GABRB1: variants seen among roughly 807,000 people sequenced by gnomAD.
GABRB1 encodes the protein gamma-aminobutyric acid type A receptor subunit beta1, also known as gamma-aminobutyric acid receptor subunit beta-1.
Under a neutral mutation model 51.6 loss-of-function variants are expected in GABRB1, and 17 were observed. The observed-to-expected ratio is 0.33, with a 90% CI of 0.23 to 0.49. The LOEUF (loss-of-function observed/expected upper bound fraction) is 0.49. Ranked by LOEUF, GABRB1 falls within the 20% of genes least tolerant of loss-of-function variation. The pLI is 0.99. For missense variants in GABRB1, 410 were observed against 600.6 expected, an observed-to-expected ratio of 0.68 and a Z score of 3.32; for synonymous variants, 247 against 218.9, an observed-to-expected ratio of 1.13 and a Z score of -1.14.
chr4:47,013,935 A>G (rs949552783), intron 1 of GABRB1, among the ~76,000 whole-genome samples: 7 of 152,168 alleles, frequency 4.6e-5, no homozygotes, highest in Non-Finnish European at 1.0e-4. Context: ...TCTTTTCACT[A>G]TGGTTTGTGT....
chr4:47,162,170 G>T (rs893253871), intron 4 of GABRB1, among the ~76,000 whole-genome samples: 1 of 152,038 alleles, frequency 6.6e-6, no homozygotes, highest in African/African-American at 2.4e-5. Flanking sequence ...TAAACTAACA[G>T]TTCCCTTGAG....
chr4:47,273,001 C>G (rs887989787), intron 4 of GABRB1, among the ~76,000 whole-genome samples: 1 of 151,128 alleles, frequency 6.6e-6, no homozygotes, highest in African/African-American at 2.4e-5. Context: ...CTGTAGTGAA[C>G]TCTCGTTTAT....
intron 3 of GABRB1, among the ~76,000 whole-genome samples, chr4:47,093,822 C>T (rs1219220250): frequency 1.3e-5 from 2 of 152,094 alleles, no homozygotes; most frequent in Non-Finnish European, 2.9e-5. Context: ...AGTTGAGTAA[C>T]ATGTAAAGGC....
chr4:47,019,633 T>TTCTCTCTCTCTCTCTC (rs1432340967), intron 1 of GABRB1, among the ~76,000 whole-genome samples: 45 of 43,654 alleles, frequency 1.0e-3, no homozygotes, highest in African/African-American at 4.8e-3. Flanking sequence ...CTCTCTTTCT[T>TTCTCTCTCTCTCTCTC]TCTTTCTTTC....
chr4:47,301,388 A>G (rs1578077574), intron 4 of GABRB1, among the ~76,000 whole-genome samples: 1 of 152,126 alleles, frequency 6.6e-6, no homozygotes, highest in Non-Finnish European at 1.5e-5. Context: ...TGTAATTCCA[A>G]CACTTTGGTA....
intron 3 of GABRB1, among the ~76,000 whole-genome samples, chr4:47,078,822 T>A (rs545903875): frequency 6.6e-6 from 1 of 152,200 alleles, no homozygotes; most frequent in Non-Finnish European, 1.5e-5. Flanking sequence ...ATTTTTTTTA[T>A]CCTCCAATTC....
chr4:47,071,221 T>C (rs962053253), intron 3 of GABRB1, among the ~76,000 whole-genome samples: 4 of 152,210 alleles, frequency 2.6e-5, no homozygotes, highest in African/African-American at 9.6e-5. Flanking sequence ...ATTGTCTAAA[T>C]TCTGAATGAT....
intron 5 of GABRB1, among the ~76,000 whole-genome samples, chr4:47,357,669 T>C (rs2110006251): frequency 6.6e-6 from 1 of 152,316 alleles, no homozygotes; most frequent in East Asian, 1.9e-4. Context: ...GGGGTCCTCC[T>C]CTGGTACCCA....
intron 4 of GABRB1, among the ~76,000 whole-genome samples, chr4:47,172,982 C>T (rs1718508644): frequency 6.6e-6 from 1 of 152,034 alleles, no homozygotes; most frequent in Non-Finnish European, 1.5e-5. Flanking sequence ...TAGAGCCCAC[C>T]TGTAACAAAA....
intron 3 of GABRB1, chr4:47,033,098 T>C (rs536256161): frequency 9.6e-5 from 19 of 197,734 alleles, no homozygotes; most frequent in Non-Finnish European, 1.9e-4. Context: ...CGGGAGGTTA[T>C]GAATTTGTCT....
chr4:47,252,107 A>ACCCCCCC (rs1722014234), intron 4 of GABRB1, among the ~76,000 whole-genome samples: 1 of 51,722 alleles, frequency 1.9e-5, no homozygotes. Flanking sequence ...CCCCCCTCCT[A>ACCCCCCC]CTCCTCTGGA....
intron 5 of GABRB1, among the ~76,000 whole-genome samples, chr4:47,329,671 A>T (rs1725396384): frequency 6.7e-6 from 1 of 148,474 alleles, no homozygotes; most frequent in Non-Finnish European, 1.5e-5. Flanking sequence ...GATATATATA[A>T]AATATATATG....
Position 47,019,970 on chromosome 4 carries a change from G to A in GABRB1, c.-19-11944G>A, listed in dbSNP as rs566778979. On this transcript the variant is annotated intron_variant, in intron 1 of 3. Coordinates refer to the GABRB1 transcript ENST00000513567. ...TATGTATATGTATATATATTTTGTAGAGACAGGGTTTCACCATGTTGCCTA... is the reference window on the plus strand; with the variant it reads ...TATGTATATGTATATATATTTTGTAAAGACAGGGTTTCACCATGTTGCCTA... Among the ~76,000 whole-genome samples, 4 of 142,814 alleles carry A rather than the reference G, an allele frequency of 2.8e-5. No homozygotes were observed. In the East Asian group the frequency reaches 8.2e-4, roughly 29 times the overall value. 93.7% of individuals were successfully genotyped at this position (142,814 alleles called of 152,430 possible). A position where few individuals can be genotyped will look rare whatever the true frequency, so the allele number is the denominator to read the frequency against.
rs187209382 is a variant in GABRB1, at chr4:47,353,562, C to A, written c.544+33353C>A. Among the ~76,000 whole-genome samples, 208 of 152,264 alleles carry A rather than the reference C, an allele frequency of 1.4e-3. 1 individual carries two copies. The highest frequency in any genetic ancestry group is 4.8e-3 in the African/African-American group (200 of 41,544). On this transcript the variant is annotated intron_variant, in intron 5 of 8. Transcript: ENST00000295454. ...GCGAAGTGATATAATAGAAAGGACA[C>A]CAGCTCCACCAATTACTCTTCCTTT...
chr4:47,074,674 C>A (rs2109552772), intron 3 of GABRB1, among the ~76,000 whole-genome samples: 1 of 152,196 alleles, frequency 6.6e-6, no homozygotes, highest in South Asian at 2.1e-4. Context: ...GGTTCAGAGG[C>A]AGGAGTGACA....
intron 4 of GABRB1, among the ~76,000 whole-genome samples, chr4:47,206,600 C>A (rs1033345359): frequency 3.3e-5 from 5 of 151,828 alleles, no homozygotes; most frequent in African/African-American, 1.2e-4. Flanking sequence ...TTCATTTAAT[C>A]TTCAGAACAC....
At chr4:47,036,799 G>A (rs971254048) in intron 3 of GABRB1, among the ~76,000 whole-genome samples, 4 of 151,908 alleles carry the variant, frequency 2.6e-5, no homozygotes, top group African/African-American at 9.7e-5. Context: ...GAGGCTGGAG[G>A]TTGCGGTGAG....
At chr4:47,418,504 T>C (rs1728999177) in intron 8 of GABRB1, among the ~76,000 whole-genome samples, 1 of 152,212 alleles carries the variant, frequency 6.6e-6, no homozygotes, top group South Asian at 2.1e-4. Flanking sequence ...TTACAGTAAC[T>C]GTAAATGCCA....
At chr4:47,116,607 A>G (rs952361090) in intron 3 of GABRB1, among the ~76,000 whole-genome samples, 1 of 152,184 alleles carries the variant, frequency 6.6e-6, no homozygotes, top group Non-Finnish European at 1.5e-5. Flanking sequence ...GGAAAATAAA[A>G]GGTATACATT....
Sources: allele counts gnomAD v4.1 joint callset (sites outside exome capture counted in the v4.1 genomes callset), GRCh38; gene constraint gnomAD v4.1.1; transcripts MANE v1.5; gene names NCBI Gene and HGNC (gene_info 2026-07-23, HGNC 2026-07-21).